The following ADAMTS20 variants were observed in gnomAD, a reference collection of about 807,000 sequenced individuals.
ADAMTS20 encodes A disintegrin and metalloproteinase with thrombospondin motifs 20.
A neutral mutation model predicts 260.1 loss-of-function variants in ADAMTS20; 225 were observed. The ratio of observed to expected loss-of-function variants is 0.87; its 90% CI spans 0.78 to 0.97. The LOEUF (loss-of-function observed/expected upper bound fraction) is 0.97, where lower values mean the gene tolerates loss of function less well. Ranked by LOEUF, ADAMTS20 falls within the 50% of genes least tolerant of loss-of-function variation. The pLI is 0.00. For missense variants in ADAMTS20, 2,400 were observed against 2,337.7 expected (o/e 1.03, Z -0.55); for synonymous variants, 802 against 769.5 (o/e 1.04, Z -0.70).
intron 33 of ADAMTS20, 66 bp downstream of exon 33, chr12:43,376,458 A>T (rs1035992750): frequency 2.0e-6 from 3 of 1,526,054 alleles, no homozygotes; most frequent in Non-Finnish European, 2.7e-6. Context: ...ACTACTACAG[A>T]TATTTATTTT....
intron 16 of ADAMTS20, among the ~76,000 whole-genome samples, 173 bp from the exon 17 acceptor site, chr12:43,440,242 G>T (rs1354511690): frequency 6.8e-6 from 1 of 147,524 alleles, no homozygotes; most frequent in African/African-American, 2.5e-5. Context: ...CTCGCCTCTT[G>T]GATTCAAACA....
intron 4 of ADAMTS20, among the ~76,000 whole-genome samples, chr12:43,501,273 T>C (rs1942755861): frequency 6.6e-6 from 1 of 151,860 alleles, no homozygotes; most frequent in African/African-American, 2.4e-5. Context: ...TTGGCTAGGC[T>C]GGTCTTGAAC....
chr12:43,482,209 C>T (rs1942452741), intron 7 of ADAMTS20, among the ~76,000 whole-genome samples: 1 of 152,220 alleles, frequency 6.6e-6, no homozygotes, highest in Non-Finnish European at 1.5e-5. Context: ...TTGAGAGAAG[C>T]TCCCAAATGA....
chr12:43,523,292 C>T (rs898131011), intron 3 of ADAMTS20, among the ~76,000 whole-genome samples: 5 of 152,208 alleles, frequency 3.3e-5, no homozygotes, highest in African/African-American at 9.6e-5. Flanking sequence ...CATGCATTCC[C>T]AGTCTCCGTG....
At chr12:43,518,152 G>T (rs1259612692) in intron 3 of ADAMTS20, among the ~76,000 whole-genome samples, 2 of 151,714 alleles carry the variant, frequency 1.3e-5, no homozygotes, top group South Asian at 2.1e-4. Flanking sequence ...AATAGGATTA[G>T]TCTCCAACAA....
intron 19 of ADAMTS20, chr12:43,433,735 CACACACAA>C (rs1306528889): frequency 1.4e-5 from 6 of 433,226 alleles, no homozygotes; most frequent in African/African-American, 6.5e-5. Flanking sequence ...CACACACACA[CACACACAA>C]ACCAAATAAC....
At chr12:43,490,789 C>T (rs1410935391) in intron 6 of ADAMTS20, among the ~76,000 whole-genome samples, 1 of 152,116 alleles carries the variant, frequency 6.6e-6, no homozygotes, top group African/African-American at 2.4e-5. Context: ...TTCTCTCATG[C>T]AAAATAATGG....
intron 3 of ADAMTS20, among the ~76,000 whole-genome samples, chr12:43,527,843 T>C (rs1943164133): frequency 1.3e-5 from 2 of 151,826 alleles, no homozygotes; most frequent in Admixed American, 1.3e-4. Flanking sequence ...GGCAGAACAA[T>C]CAGGCAAGAG....
chr12:43,378,304 G>T (rs1287612212), intron 31 of ADAMTS20, among the ~76,000 whole-genome samples: 1 of 152,182 alleles, frequency 6.6e-6, no homozygotes, highest in Non-Finnish European at 1.5e-5. Flanking sequence ...AGGCAGCAGA[G>T]CTCTGACCAG....
chr12:43,397,637 C>A (rs1010717866), intron 29 of ADAMTS20, among the ~76,000 whole-genome samples: 1 of 152,036 alleles, frequency 6.6e-6, no homozygotes, highest in Non-Finnish European at 1.5e-5. Flanking sequence ...GTGACATTTA[C>A]AAAATAAAAC....
intron 2 of ADAMTS20, among the ~76,000 whole-genome samples, chr12:43,544,128 A>G (rs1802466870): frequency 6.6e-6 from 1 of 152,210 alleles, no homozygotes; most frequent in African/African-American, 2.4e-5. Flanking sequence ...TAATTACAAT[A>G]ATTGCAACAG....
Position 43,443,857 on chromosome 12 carries a change from C to A in ADAMTS20, c.2224G>T (p.Ala742Ser). The A allele has an allele frequency of 2.5e-6, 4 of 1,612,770 alleles. No individual in the cohort carries two copies. Among genetic ancestry groups the A allele is most frequent in the Non-Finnish European group, 3.4e-6 (4 of 1,179,092 alleles). ...YGYNVVVKIPAGATNVDIRQY... is the reference protein window; with the variant it reads ...YGYNVVVKIPSGATNVDIRQY... Reference sequence around the variant, plus strand: ...CGAATGTCAACGTTTGTTGCTCCTGCGGGAATCTTTACAACAACATTATAA... The same window carrying A: ...CGAATGTCAACGTTTGTTGCTCCTGAGGGAATCTTTACAACAACATTATAA... The change falls in exon 16 of 39, where the codon GCA becomes TCA. Residue 742 changes from alanine (A) to serine (S), a missense_variant. Coordinates refer to ENST00000389420, the MANE Select transcript of ADAMTS20 (RefSeq NM_025003.5).
chr12:43,420,800 C>CTTTTTTTT lies in ADAMTS20; in HGVS notation c.4284+4706_4284+4713dup, dbSNP rs747496684. ...TCTTCTTCTTCTCCTCCTCCTCCTTCTTTTTTTTTTTTTTTTTTTTTTTTT... is the reference window on the plus strand; with the variant it reads ...TCTTCTTCTTCTCCTCCTCCTCCTTCTTTTTTTTTTTTTTTTTTTTTTTTTTTTTTTTT... On this transcript the variant is annotated intron_variant, in intron 28 of 38. Transcript: ENST00000389420. Among the ~76,000 whole-genome samples, 112 of 55,524 alleles carry CTTTTTTTT rather than the reference C, an allele frequency of 2.0e-3. 4 individuals are homozygous for CTTTTTTTT. The highest frequency in any genetic ancestry group is 9.5e-3 in the East Asian group (7 of 734). The allele number at this position is 55,524 out of a possible 152,430, so 36.4% of individuals were successfully genotyped here. A position where few individuals can be genotyped will look rare whatever the true frequency, so the allele number is the denominator to read the frequency against.
chr12:43,373,957 G>A (rs541411523), intron 36 of ADAMTS20, among the ~76,000 whole-genome samples: 1 of 152,072 alleles, frequency 6.6e-6, no homozygotes, highest in Admixed American at 6.5e-5. Context: ...GGGATTACAG[G>A]CGTGAGTCAC....
At chr12:43,526,213 C>G (rs771749064) in intron 3 of ADAMTS20, among the ~76,000 whole-genome samples, 5 of 152,076 alleles carry the variant, frequency 3.3e-5, no homozygotes, top group Non-Finnish European at 7.4e-5. Context: ...TCCAGCACTA[C>G]GGGAGGCCGA....
At chr12:43,355,248 A>G (rs1414918186) in intron 38 of ADAMTS20, among the ~76,000 whole-genome samples, 1 of 152,208 alleles carries the variant, frequency 6.6e-6, no homozygotes, top group Non-Finnish European at 1.5e-5. Flanking sequence ...TCAGAGTTGT[A>G]TAATTCCCTA....
In ADAMTS20 at chr12:43,428,314, A is replaced by T; in HGVS notation, c.3872T>A (p.Leu1291His). Residue 1291 changes from leucine (L) to histidine (H), a missense_variant, in exon 26 of 39, where the codon CTT becomes CAT. Leu to His is a moderately conservative substitution (Grantham distance 99, BLOSUM62 -3). Transcript: ENST00000389420. ...GACCACCTGATTTTCATTATCTTCA[A>T]GTTTTTGAGTTAATGGCAAATTCGT... ...LSTNLPLTQK[L>H]EDNENQVVHP... The T allele has an allele frequency of 1.2e-6, 2 of 1,613,918 alleles. No individual in the cohort carries two copies. Among genetic ancestry groups the T allele is most frequent in the Non-Finnish European group, 8.5e-7 (1 of 1,179,872 alleles).
intron 28 of ADAMTS20, among the ~76,000 whole-genome samples, chr12:43,425,137 C>T (rs1941306763): frequency 6.6e-6 from 1 of 152,090 alleles, no homozygotes; most frequent in Non-Finnish European, 1.5e-5. Context: ...TACCATTATC[C>T]TCAGCAAACT....
At chr12:43,380,553 A>C (rs1250090012) in intron 31 of ADAMTS20, among the ~76,000 whole-genome samples, 1 of 152,160 alleles carries the variant, frequency 6.6e-6, no homozygotes, top group East Asian at 1.9e-4. Context: ...TCCACACACT[A>C]AATAATTAAA....
Sources: gnomAD v4.1 joint callset for allele counts (sites outside exome capture counted in the v4.1 genomes callset) on GRCh38, gnomAD v4.1.1 for gene constraint, MANE v1.5 for transcripts, NCBI Gene and HGNC (gene_info 2026-07-23, HGNC 2026-07-21) for gene names.